Variants in SEMA3A observed in about 807,000 individuals in gnomAD.
The protein encoded by SEMA3A is semaphorin-3A.
In SEMA3A, 29 loss-of-function variants were observed where a neutral mutation model predicts 97.9. The observed-to-expected ratio is 0.30, with a 90% confidence interval of 0.22 to 0.40. SEMA3A has a LOEUF of 0.40. Ranked by LOEUF, SEMA3A falls within the 10% of genes least tolerant of loss-of-function variation. The probability of loss-of-function intolerance (pLI) is 1.00; values close to 1 mark genes in which losing one functional copy is unlikely to be tolerated. For synonymous variants in SEMA3A, 321 were observed against 323.7 expected (o/e 0.99, Z 0.09); for missense variants, 763 against 951.3 (o/e 0.80, Z 2.60).
chr7:84,220,115 T>C (rs1562858529), intron 3 of SEMA3A, among the ~76,000 whole-genome samples: 1 of 152,212 alleles, frequency 6.6e-6, no homozygotes, highest in Non-Finnish European at 1.5e-5. Flanking sequence ...TAAGTTTGTG[T>C]AATATTCTAA....
At chr7:84,318,674 G>C (rs1240153370) in intron 2 of SEMA3A, among the ~76,000 whole-genome samples, 1 of 152,156 alleles carries the variant, frequency 6.6e-6, no homozygotes, top group African/African-American at 2.4e-5. Context: ...TGATGGATCA[G>C]TGGGCATAAA....
At chr7:84,100,844 C>T (rs1794940318) in intron 4 of SEMA3A, among the ~76,000 whole-genome samples, 1 of 152,078 alleles carries the variant, frequency 6.6e-6, no homozygotes. Context: ...GAATGTTAAG[C>T]CTCCATTATT....
chr7:84,458,303 G>A (rs373622427), intron 1 of SEMA3A, among the ~76,000 whole-genome samples: 8 of 151,902 alleles, frequency 5.3e-5, no homozygotes, highest in African/African-American at 1.9e-4. Flanking sequence ...ATGTACACCA[G>A]CTTTTATTTG....
chr7:84,344,708 C>T (rs193205642), intron 2 of SEMA3A, among the ~76,000 whole-genome samples: 23 of 152,098 alleles, frequency 1.5e-4, no homozygotes, highest in African/African-American at 4.6e-4. Flanking sequence ...GACTACAAAA[C>T]GAAGGAGAAA....
At chr7:84,486,555 A>T (rs1217695286) in intron 1 of SEMA3A, among the ~76,000 whole-genome samples, 2 of 152,168 alleles carry the variant, frequency 1.3e-5, no homozygotes, top group African/African-American at 4.8e-5. Context: ...ACTTCTCAGA[A>T]TTCCTTATAG....
intron 6 of SEMA3A, among the ~76,000 whole-genome samples, chr7:84,039,622 T>G (rs1013599405): frequency 2.6e-5 from 4 of 152,082 alleles, no homozygotes; most frequent in African/African-American, 9.7e-5. Context: ...GGCAGCAGAA[T>G]CTGGATTCAA....
At chr7:84,361,411 T>C (rs1802716088) in intron 2 of SEMA3A, among the ~76,000 whole-genome samples, 1 of 151,900 alleles carries the variant, frequency 6.6e-6, no homozygotes, top group Non-Finnish European at 1.5e-5. Context: ...ATAAGAAAAC[T>C]GAAATAAAAA....
intron 3 of SEMA3A, among the ~76,000 whole-genome samples, chr7:84,296,575 T>C (rs1191596685): frequency 6.6e-6 from 1 of 152,154 alleles, no homozygotes; most frequent in Non-Finnish European, 1.5e-5. Flanking sequence ...AAAAAAGAAA[T>C]TTGGGATGTT....
chr7:84,184,895 T>G (rs1797833211), intron 1 of SEMA3A, among the ~76,000 whole-genome samples: 1 of 152,102 alleles, frequency 6.6e-6, no homozygotes, highest in South Asian at 2.1e-4. Flanking sequence ...AGAACTTGGT[T>G]AGACAGCAAC....
In SEMA3A at chr7:83,990,056, C is replaced by T. The variant is rs1307626527; in HGVS notation, c.1453-4579G>A. ...CTCATTGTGGTTTTGATTTGCATTT[C>T]TCTGATGGCCAGTGATGATGAGCAT... On this transcript the variant is annotated intron_variant, in intron 12 of 16. Transcript: ENST00000265362. 1.6e-4 allele frequency among the ~76,000 whole-genome samples: 24 copies of T among 152,056 alleles called. No homozygotes were observed. In the East Asian group the frequency reaches 4.7e-3, roughly 30 times the overall value.
At chr7:84,067,427 C>G (rs892572345) in intron 4 of SEMA3A, among the ~76,000 whole-genome samples, 1 of 152,012 alleles carries the variant, frequency 6.6e-6, no homozygotes, top group Non-Finnish European at 1.5e-5. Flanking sequence ...CAAATGGGAT[C>G]TAATTAAACT....
chr7:84,475,680 T>C (rs1806264195), intron 1 of SEMA3A, among the ~76,000 whole-genome samples: 1 of 152,178 alleles, frequency 6.6e-6, no homozygotes, highest in South Asian at 2.1e-4. Flanking sequence ...TAGTAACTAG[T>C]GCTGAGCAAA....
chr7:84,338,060 TTATACA>T (rs1381382182), intron 2 of SEMA3A, among the ~76,000 whole-genome samples: 4 of 151,988 alleles, frequency 2.6e-5, no homozygotes, highest in East Asian at 1.9e-4. Flanking sequence ...TTCTACACAC[TTATACA>T]TATATATACA....
chr7:83,982,837 T>C (rs1464131722), intron 13 of SEMA3A, among the ~76,000 whole-genome samples: 2 of 152,024 alleles, frequency 1.3e-5, no homozygotes, highest in Admixed American at 1.3e-4. Flanking sequence ...CCTATGAGAA[T>C]CTAAGAAAAT....
chr7:84,292,451 T>G (rs1562889200), intron 3 of SEMA3A, among the ~76,000 whole-genome samples: 1 of 151,826 alleles, frequency 6.6e-6, no homozygotes, highest in African/African-American at 2.4e-5. Flanking sequence ...AAAAAACGAT[T>G]ACCACATTAT....
intron 1 of SEMA3A, among the ~76,000 whole-genome samples, chr7:84,379,180 G>A (rs2116132510): frequency 6.6e-6 from 1 of 152,164 alleles, no homozygotes; most frequent in Middle Eastern, 3.4e-3. Flanking sequence ...GCCTGCCTCG[G>A]CCTCCCAAAG....
At chr7:84,206,263 C>G (rs1274337714) in intron 3 of SEMA3A, among the ~76,000 whole-genome samples, 2 of 151,706 alleles carry the variant, frequency 1.3e-5, no homozygotes, top group South Asian at 2.1e-4. Flanking sequence ...GTAAAATAAG[C>G]CAATTTTACT....
At chr7:84,272,551 A>G (rs1024981918) in intron 3 of SEMA3A, among the ~76,000 whole-genome samples, 2 of 152,086 alleles carry the variant, frequency 1.3e-5, no homozygotes, top group African/African-American at 4.8e-5. Context: ...ACAAAATAAG[A>G]TTATATTGGT....
intron 3 of SEMA3A, among the ~76,000 whole-genome samples, chr7:84,232,625 A>G (rs1799141260): frequency 6.6e-6 from 1 of 151,942 alleles, no homozygotes; most frequent in Admixed American, 6.6e-5. Flanking sequence ...TTTTAACCAC[A>G]GCATATAAGA....
Sources: allele counts gnomAD v4.1 joint callset (sites outside exome capture counted in the v4.1 genomes callset), GRCh38; gene constraint gnomAD v4.1.1; transcripts MANE v1.5; gene names NCBI Gene and HGNC (gene_info 2026-07-23, HGNC 2026-07-21).